RBFOX1: variants seen among roughly 807,000 people sequenced by gnomAD.
The protein encoded by RBFOX1 is RNA binding fox-1 homolog 1.
In RBFOX1, 8 loss-of-function variants were observed where a neutral mutation model predicts 57.7. The observed-to-expected ratio is 0.14, with a 90% CI of 0.08 to 0.25. RBFOX1 has a LOEUF of 0.25. RBFOX1 is among the 10% of genes least tolerant of loss of function. The probability of loss-of-function intolerance (pLI) is 1.00; values close to 1 mark genes in which losing one functional copy is unlikely to be tolerated. For missense variants in RBFOX1, 611 were observed against 548.5 expected (o/e 1.11, Z -1.14); for synonymous variants, 326 against 222.4 (o/e 1.47, Z -4.15).
intron 4 of RBFOX1, among the ~76,000 whole-genome samples, chr16:7,278,885 G>T (rs1011431847): frequency 6.6e-6 from 1 of 152,040 alleles, no homozygotes; most frequent in Admixed American, 6.6e-5. Flanking sequence ...TTGTCGAAAG[G>T]GAATTATTCT....
At chr16:5,578,889 C>T (rs998202534) in intron 2 of RBFOX1, among the ~76,000 whole-genome samples, 5 of 142,924 alleles carry the variant, frequency 3.5e-5, no homozygotes, top group African/African-American at 1.3e-4. Flanking sequence ...ACTCTGTCGC[C>T]CAGACTGGAG....
intron 3 of RBFOX1, among the ~76,000 whole-genome samples, chr16:6,804,851 A>G (rs899744044): frequency 6.6e-6 from 1 of 152,168 alleles, no homozygotes; most frequent in Non-Finnish European, 1.5e-5. Flanking sequence ...TATGTCCTCC[A>G]TAGTCAATTT....
chr16:6,414,432 T>C (rs894404581), intron 2 of RBFOX1, among the ~76,000 whole-genome samples: 1 of 152,236 alleles, frequency 6.6e-6, no homozygotes, highest in African/African-American at 2.4e-5. Context: ...AATTAGGCAG[T>C]GGCCATGGCC....
At chr16:6,962,557 C>G (rs546086917) in intron 3 of RBFOX1, among the ~76,000 whole-genome samples, 1 of 152,220 alleles carries the variant, frequency 6.6e-6, no homozygotes, top group South Asian at 2.1e-4. Context: ...AAAGTTCATT[C>G]AATTCAACCT....
intron 4 of RBFOX1, among the ~76,000 whole-genome samples, chr16:5,885,081 A>C (rs1260641439): frequency 6.6e-6 from 1 of 152,180 alleles, no homozygotes; most frequent in Non-Finnish European, 1.5e-5. Flanking sequence ...TCTCTTGTAG[A>C]TGAGCATTCT....
chr16:7,471,724 G>T (rs1361863501), intron 4 of RBFOX1, among the ~76,000 whole-genome samples: 1 of 152,190 alleles, frequency 6.6e-6, no homozygotes, highest in South Asian at 2.1e-4. Flanking sequence ...CTTGCCCTCA[G>T]TGGATGTTTT....
At chr16:7,385,844 C>T (rs1418275642) in intron 4 of RBFOX1, among the ~76,000 whole-genome samples, 2 of 152,092 alleles carry the variant, frequency 1.3e-5, no homozygotes, top group Non-Finnish European at 2.9e-5. Context: ...ACCTCCGCCT[C>T]CTGGGTTCAA....
intron 2 of RBFOX1, among the ~76,000 whole-genome samples, chr16:6,356,789 G>T (rs913510631): frequency 2.6e-5 from 4 of 152,182 alleles, no homozygotes; most frequent in African/African-American, 9.7e-5. Context: ...GTCAATATCG[G>T]TTTATTAATC....
intron 3 of RBFOX1, among the ~76,000 whole-genome samples, chr16:6,993,508 C>T (rs1019324318): frequency 6.6e-6 from 1 of 152,116 alleles, no homozygotes; most frequent in African/African-American, 2.4e-5. Context: ...GAAACGGAAT[C>T]TGTGATCAGG....
intron 2 of RBFOX1, among the ~76,000 whole-genome samples, chr16:6,642,176 C>T (rs565539532): frequency 6.6e-6 from 1 of 152,166 alleles, no homozygotes. Flanking sequence ...GCTTCCCAGG[C>T]TCGTACTTTC....
intron 3 of RBFOX1, among the ~76,000 whole-genome samples, chr16:5,814,617 G>A (rs2055556348): frequency 6.6e-6 from 1 of 152,154 alleles, no homozygotes; most frequent in Non-Finnish European, 1.5e-5. Flanking sequence ...TGTCTATCCT[G>A]CCACCTGGCC....
At chr16:6,478,484 G>A (rs1241195873) in intron 2 of RBFOX1, among the ~76,000 whole-genome samples, 8 of 135,762 alleles carry the variant, frequency 5.9e-5, no homozygotes, top group Non-Finnish European at 1.1e-4. Flanking sequence ...CCATGTTGGC[G>A]AGGCTGTTCT....
At chr16:5,314,372 C>T (rs1007497166) in intron 1 of RBFOX1, among the ~76,000 whole-genome samples, 2 of 152,376 alleles carry the variant, frequency 1.3e-5, no homozygotes, top group Middle Eastern at 3.4e-3. Flanking sequence ...TGAGCTCTGC[C>T]TCTGGAGCTG....
In RBFOX1 at chr16:5,527,035, C is replaced by T. The variant is rs773259229; in HGVS notation, c.258+59781C>T. On this transcript the variant is annotated intron_variant, in intron 2 of 2. Transcript: ENST00000585867. ...GAAGTGTTCAGCATAGCGCTTGGGA[C>T]GGTGCCATGTGTCAGTGGTGCTCTT... Among the ~76,000 whole-genome samples the T allele has an allele frequency of 3.9e-5, 6 of 152,222 alleles. No homozygotes were observed. The South Asian group carries it at 1.0e-3, about 26-fold the overall frequency.
chr16:5,312,639 T>G (rs996723122), intron 1 of RBFOX1, among the ~76,000 whole-genome samples: 18 of 152,146 alleles, frequency 1.2e-4, no homozygotes, highest in Admixed American at 3.3e-4. Context: ...ATAGATGATA[T>G]GGGATCCATT....
At chr16:7,550,457 T>C (rs1239620797) in intron 5 of RBFOX1, among the ~76,000 whole-genome samples, 1 of 152,072 alleles carries the variant, frequency 6.6e-6, no homozygotes, top group Non-Finnish European at 1.5e-5. Context: ...TGTTGTCCCA[T>C]TGAATGTCTC....
chr16:6,833,045 C>T (rs989478348), intron 3 of RBFOX1, among the ~76,000 whole-genome samples: 1 of 152,106 alleles, frequency 6.6e-6, no homozygotes, highest in South Asian at 2.1e-4. Context: ...TTCTCTTATT[C>T]AAATATTTCA....
chr16:7,173,233 T>C (rs983610967), intron 4 of RBFOX1, among the ~76,000 whole-genome samples: 152 of 152,332 alleles, frequency 1.0e-3, no homozygotes, highest in African/African-American at 3.4e-3. Context: ...CTCCTCCCCC[T>C]TTTATTTCAA....
chr16:7,085,961 T>A (rs1305508391), intron 4 of RBFOX1, among the ~76,000 whole-genome samples: 1 of 152,164 alleles, frequency 6.6e-6, no homozygotes, highest in Non-Finnish European at 1.5e-5. Flanking sequence ...CTAAGCAGAT[T>A]GGTCAGTGTA....
Sources: gnomAD v4.1 joint callset for allele counts (sites outside exome capture counted in the v4.1 genomes callset) on GRCh38, gnomAD v4.1.1 for gene constraint, MANE v1.5 for transcripts, NCBI Gene and HGNC (gene_info 2026-07-23, HGNC 2026-07-21) for gene names.